The following POT1 variants were observed in gnomAD, a reference collection of about 807,000 sequenced individuals.
POT1 encodes protection of telomeres 1.
POT1 carries 47 observed loss-of-function variants against 78.5 expected under a neutral mutation model. The ratio of observed to expected loss-of-function variants is 0.60; its 90% CI spans 0.47 to 0.76. POT1 has a LOEUF of 0.76. POT1 is among the 30% of genes least tolerant of loss of function. POT1 has a pLI of 0.00. For missense variants in POT1, 646 were observed against 749.9 expected, an observed-to-expected ratio of 0.86 and a Z score of 1.62; for synonymous variants, 259 against 260.7, an observed-to-expected ratio of 0.99 and a Z score of 0.06.
At chr7:124,831,167 T>C (rs963521755) in intron 15 of POT1, among the ~76,000 whole-genome samples, 3 of 152,218 alleles carry the variant, frequency 2.0e-5, no homozygotes, top group South Asian at 2.1e-4. Flanking sequence ...CAGACAGAAA[T>C]AGACTAATAC....
chr7:124,917,194 G>A (rs1235280410), intron 2 of POT1, among the ~76,000 whole-genome samples: 1 of 152,044 alleles, frequency 6.6e-6, no homozygotes, highest in African/African-American at 2.4e-5. Flanking sequence ...TCAGAACAGA[G>A]AACATCTACC....
chr7:124,835,193 G>A lies in POT1; in HGVS notation c.1505+86C>T, dbSNP rs1450986054. 3.3e-5 allele frequency: 50 copies of A among 1,500,090 alleles called. 1 individual carries two copies. In the South Asian group the frequency reaches 5.6e-4, roughly 17 times the overall value. The allele number at this position is 1,500,090 out of a possible 1,614,324, so 92.9% of individuals were successfully genotyped here. ...ACCACAATAGCACGTGTATACCTAC[G>A]TAACAAACCTCCATGTTCAGCACAT... On this transcript the variant is annotated intron_variant, in intron 15 of 18. Transcript: ENST00000357628.
chr7:124,841,638 A>G (rs1795030253), intron 13 of POT1, among the ~76,000 whole-genome samples: 2 of 151,996 alleles, frequency 1.3e-5, no homozygotes, highest in African/African-American at 4.8e-5. Context: ...AATAATTTTA[A>G]GAAGTCATAT....
chr7:124,921,454 A>T (rs1163599752), intron 2 of POT1, among the ~76,000 whole-genome samples: 1 of 152,166 alleles, frequency 6.6e-6, no homozygotes, highest in African/African-American at 2.4e-5. Context: ...ATTTAATAAG[A>T]AAGAAAATTC....
chr7:124,911,264 G>C (rs12537616), intron 3 of POT1, among the ~76,000 whole-genome samples: 2,193 of 152,158 alleles, frequency 0.014, 59 homozygotes, highest in African/African-American at 0.048. Flanking sequence ...TATCAAAATA[G>C]ATATTTACAA....
chr7:124,911,212 A>T (rs1796881407), intron 3 of POT1, among the ~76,000 whole-genome samples: 1 of 152,138 alleles, frequency 6.6e-6, no homozygotes, highest in Non-Finnish European at 1.5e-5. Flanking sequence ...AACAGTAATG[A>T]CAGCAGACCT....
intron 12 of POT1, among the ~76,000 whole-genome samples, chr7:124,846,661 A>C (rs576551820): frequency 1.3e-5 from 2 of 152,182 alleles, no homozygotes; most frequent in South Asian, 2.1e-4. Flanking sequence ...ACATGACTTC[A>C]AATACATCAT....
intron 11 of POT1, among the ~76,000 whole-genome samples, chr7:124,851,318 C>T (rs1584764526): frequency 6.6e-6 from 1 of 151,986 alleles, no homozygotes; most frequent in Non-Finnish European, 1.5e-5. Context: ...CAAACAAAAA[C>T]CCAGAAATTA....
At chr7:124,854,125 T>C (rs1028842827) in intron 9 of POT1, among the ~76,000 whole-genome samples, 3 of 152,006 alleles carry the variant, frequency 2.0e-5, no homozygotes, top group African/African-American at 7.2e-5. Context: ...TCTGAAATAC[T>C]TGAAAACAGA....
intron 6 of POT1, among the ~76,000 whole-genome samples, chr7:124,884,798 C>T (rs1796204743): frequency 1.3e-5 from 2 of 152,124 alleles, no homozygotes; most frequent in Admixed American, 1.3e-4. Flanking sequence ...CAAGGATGAG[C>T]CATACACTAT....
At chr7:124,904,813 A>C (rs551020054) in intron 3 of POT1, among the ~76,000 whole-genome samples, 2 of 152,346 alleles carry the variant, frequency 1.3e-5, no homozygotes, top group East Asian at 3.9e-4. Context: ...CGGATACAAA[A>C]TCAATGTGCA....
chr7:124,907,550 A>G lies in POT1; in HGVS notation c.-154+8024T>C, dbSNP rs752600532. ...GCAGAGCACAGACGATTTTTAGGGC[A>G]GTGGAAAATACTCTATAAGGTACTA... On this transcript the variant is annotated intron_variant, in intron 3 of 18. Coordinates refer to ENST00000357628, the MANE Select transcript of POT1 (RefSeq NM_015450.3). Among the ~76,000 whole-genome samples the G allele has an allele frequency of 3.2e-4, 49 of 152,154 alleles. 1 individual carries two copies. The highest frequency in any genetic ancestry group is 1.0e-4 in the Non-Finnish European group (7 of 68,000).
rs560570014 is a variant in POT1, at chr7:124,867,559, T to A, written c.255+3352A>T. The stretch of plus-strand genomic sequence containing the variant: ...TTTTCCCTCAAATCTCAGCAGGACT[T>A]CTCATTATCATCATTTGGGTCTCAA... On this transcript the variant is annotated intron_variant, in intron 7 of 18. Coordinates refer to ENST00000357628, the MANE Select transcript of POT1 (RefSeq NM_015450.3). 2.6e-5 allele frequency among the ~76,000 whole-genome samples: 4 copies of A among 152,254 alleles called. No homozygotes were observed. The South Asian group carries it at 8.3e-4, about 32-fold the overall frequency.
intron 11 of POT1, among the ~76,000 whole-genome samples, chr7:124,847,664 A>C (rs986826602): frequency 3.9e-5 from 6 of 152,252 alleles, no homozygotes; most frequent in African/African-American, 1.4e-4. Context: ...AACTTACAGT[A>C]ATTTAAGACA....
chr7:124,867,375 T>C (rs141714899), intron 7 of POT1, among the ~76,000 whole-genome samples: 191 of 152,250 alleles, frequency 1.3e-3, no homozygotes, highest in African/African-American at 4.4e-3. Flanking sequence ...TGACTTCTCA[T>C]TATACCTAGA....
At chr7:124,845,354 G>A (rs997883483) in intron 12 of POT1, among the ~76,000 whole-genome samples, 1 of 152,112 alleles carries the variant, frequency 6.6e-6, no homozygotes, top group African/African-American at 2.4e-5. Context: ...GAAGAGTACA[G>A]CCATTTATTC....
chr7:124,844,616 T>C (rs536222435), intron 12 of POT1, among the ~76,000 whole-genome samples: 63 of 149,968 alleles, frequency 4.2e-4, no homozygotes, highest in Admixed American at 1.1e-3. Flanking sequence ...GCACCTGTAG[T>C]CCCAGCTACT....
intron 5 of POT1, among the ~76,000 whole-genome samples, chr7:124,893,974 C>A (rs1327036469): frequency 1.3e-5 from 2 of 151,300 alleles, no homozygotes; most frequent in Admixed American, 1.3e-4. Flanking sequence ...AATAAGAGAA[C>A]CAAAAGATAA....
At chr7:124,841,400 C>T (rs1196358354) in intron 13 of POT1, among the ~76,000 whole-genome samples, 1 of 151,824 alleles carries the variant, frequency 6.6e-6, no homozygotes, top group African/African-American at 2.4e-5. Flanking sequence ...ATATCCAAAT[C>T]ATATTTACAT....
Sources: allele counts gnomAD v4.1 joint callset (sites outside exome capture counted in the v4.1 genomes callset), GRCh38; gene constraint gnomAD v4.1.1; transcripts MANE v1.5; gene names NCBI Gene and HGNC (gene_info 2026-07-23, HGNC 2026-07-21).